The following RSRC1 variants were observed in gnomAD, a reference collection of about 807,000 sequenced individuals.
The protein encoded by RSRC1 is serine/Arginine-related protein 53.
RSRC1 carries 39 observed loss-of-function variants against 49.1 expected under a neutral mutation model. The observed-to-expected ratio is 0.79, with a 90% confidence interval of 0.61 to 1.04. The LOEUF is 1.04. Ranked by LOEUF, RSRC1 falls within the 50% of genes least tolerant of loss-of-function variation. The pLI, the probability that RSRC1 is intolerant of heterozygous loss-of-function variation, is 0.00. For missense variants in RSRC1, 388 were observed against 402.4 expected (o/e 0.96, Z 0.31); for synonymous variants, 143 against 130.8 (o/e 1.09, Z -0.63).
chr3:158,332,494 G>A (rs1015071239), intron 5 of RSRC1, among the ~76,000 whole-genome samples: 3 of 152,060 alleles, frequency 2.0e-5, no homozygotes, highest in Admixed American at 1.3e-4. Flanking sequence ...TAGATTACAG[G>A]CAAAACTTAA....
chr3:158,483,070 A>G (rs903091894), intron 7 of RSRC1, among the ~76,000 whole-genome samples: 1 of 152,016 alleles, frequency 6.6e-6, no homozygotes, highest in African/African-American at 2.4e-5. Context: ...TAAATGTTTT[A>G]ATTATCATAC....
chr3:158,147,727 A>T (rs918820824), intron 3 of RSRC1, among the ~76,000 whole-genome samples: 3 of 152,012 alleles, frequency 2.0e-5, no homozygotes, highest in African/African-American at 4.8e-5. Flanking sequence ...GTTTGTTCAA[A>T]TTTTTTTCCA....
chr3:158,201,379 A>G (rs1721036065), intron 3 of RSRC1, among the ~76,000 whole-genome samples: 1 of 152,124 alleles, frequency 6.6e-6, no homozygotes, highest in Admixed American at 6.6e-5. Context: ...AACTTCTAAT[A>G]TAGAATCTGT....
intron 5 of RSRC1, among the ~76,000 whole-genome samples, chr3:158,351,928 AAT>A (rs974320204): frequency 6.8e-6 from 1 of 147,056 alleles, no homozygotes; most frequent in African/African-American, 2.5e-5. Flanking sequence ...TATATATATA[AAT>A]ATATATAATA....
chr3:158,292,646 AC>A lies in RSRC1; in HGVS notation c.495-5391del, dbSNP rs1475602467. Among the ~76,000 whole-genome samples, 4 of 152,286 alleles carry A rather than the reference AC, an allele frequency of 2.6e-5. No homozygotes were observed. The East Asian group carries it at 7.7e-4, about 29-fold the overall frequency. On this transcript the variant is annotated intron_variant, in intron 4 of 9. Transcript: ENST00000611884. ...GACCACTAAAGAGGACAGGTTTTAT[AC>A]CATTTGTTGTAAGATCCTTCTGTCA...
At chr3:158,376,649 C>T (rs540611219) in intron 6 of RSRC1, among the ~76,000 whole-genome samples, 1 of 152,232 alleles carries the variant, frequency 6.6e-6, no homozygotes, top group South Asian at 2.1e-4. Flanking sequence ...TCCGTTGTCT[C>T]CTGACCTTGA....
At chr3:158,358,207 A>G (rs1731264343) in intron 6 of RSRC1, among the ~76,000 whole-genome samples, 1 of 152,194 alleles carries the variant, frequency 6.6e-6, no homozygotes, top group Non-Finnish European at 1.5e-5. Context: ...AACATACTTT[A>G]TATGTGCTAA....
At chr3:158,354,241 G>A (rs1470936713) in intron 5 of RSRC1, among the ~76,000 whole-genome samples, 5 of 151,922 alleles carry the variant, frequency 3.3e-5, no homozygotes, top group African/African-American at 9.7e-5. Flanking sequence ...CACCCGCCTC[G>A]GCCTCCCAAA....
rs181015372 is a variant in RSRC1, at chr3:158,451,124, T to C, written c.584-9811T>C. On this transcript the variant is annotated intron_variant, in intron 6 of 9. Coordinates refer to ENST00000611884, the MANE Select transcript of RSRC1 (RefSeq NM_001271838.2). ...CACTCCTTAGTCCAGAATAATATTA[T>C]TTGTCACATGTTTCTATATATTTCT... 3.2e-4 allele frequency among the ~76,000 whole-genome samples: 49 copies of C among 152,040 alleles called. 1 individual carries two copies. The highest frequency in any genetic ancestry group is 1.2e-3 in the African/African-American group (49 of 41,542).
intron 7 of RSRC1, among the ~76,000 whole-genome samples, chr3:158,477,481 A>G (rs1394698945): frequency 1.3e-5 from 2 of 152,092 alleles, no homozygotes; most frequent in Non-Finnish European, 2.9e-5. Context: ...CCACCAGCAA[A>G]AAGATTATGA....
intron 4 of RSRC1, among the ~76,000 whole-genome samples, chr3:158,259,155 C>T (rs1054268073): frequency 2.0e-5 from 3 of 152,028 alleles, no homozygotes; most frequent in African/African-American, 7.2e-5. Context: ...TTATAGGTGT[C>T]TGGGCATTAT....
At chr3:158,343,342 A>G (rs956029398) in intron 5 of RSRC1, among the ~76,000 whole-genome samples, 1 of 152,194 alleles carries the variant, frequency 6.6e-6, no homozygotes, top group Non-Finnish European at 1.5e-5. Flanking sequence ...CAAAATTCCA[A>G]GTCTACTTAT....
chr3:158,524,660 T>C (rs1199364754), intron 7 of RSRC1, among the ~76,000 whole-genome samples: 3 of 152,052 alleles, frequency 2.0e-5, no homozygotes, highest in African/African-American at 7.2e-5. Flanking sequence ...ACCGTTTTTC[T>C]ATAATGTACA....
intron 3 of RSRC1, among the ~76,000 whole-genome samples, chr3:158,144,569 A>T (rs1716960319): frequency 1.3e-5 from 2 of 152,234 alleles, no homozygotes; most frequent in South Asian, 4.1e-4. Context: ...AGTCTTTGCT[A>T]TTGTGAATAG....
intron 5 of RSRC1, among the ~76,000 whole-genome samples, chr3:158,342,602 C>T (rs1211953964): frequency 6.6e-6 from 1 of 152,082 alleles, no homozygotes; most frequent in African/African-American, 2.4e-5. Context: ...CAGACTAATG[C>T]ATAGAGATAA....
chr3:158,168,870 T>A (rs1718690815), intron 3 of RSRC1, among the ~76,000 whole-genome samples: 1 of 152,120 alleles, frequency 6.6e-6, no homozygotes, highest in Non-Finnish European at 1.5e-5. Context: ...GTTTGAGAAA[T>A]TAAAATGAAA....
chr3:158,332,975 T>G (rs925313350), intron 5 of RSRC1, among the ~76,000 whole-genome samples: 10 of 150,872 alleles, frequency 6.6e-5, no homozygotes, highest in Non-Finnish European at 1.5e-5. Context: ...TTTTTTGTTT[T>G]TTTTTTTTTT....
At chr3:158,276,156 A>T in intron 4 of RSRC1, 1 of 915,232 alleles carries the variant, frequency 1.1e-6, no homozygotes, top group South Asian at 1.3e-5. Context: ...TAGCTGGTTA[A>T]CACCATGATG....
chr3:158,522,769 C>G (rs1267515610), intron 7 of RSRC1, among the ~76,000 whole-genome samples: 1 of 151,988 alleles, frequency 6.6e-6, no homozygotes, highest in Non-Finnish European at 1.5e-5. Flanking sequence ...CCTCATGGTT[C>G]AGACTCTTAA....
Sources: gnomAD v4.1 joint callset for allele counts (sites outside exome capture counted in the v4.1 genomes callset) on GRCh38, gnomAD v4.1.1 for gene constraint, MANE v1.5 for transcripts, NCBI Gene and HGNC (gene_info 2026-07-23, HGNC 2026-07-21) for gene names.